Variants in UBR4 observed in about 807,000 individuals in gnomAD.
UBR4 encodes the protein ubiquitin protein ligase E3 component n-recognin 4, also known as E3 ubiquitin-protein ligase UBR4.
UBR4 carries 124 observed loss-of-function variants against 575.6 expected under a neutral mutation model. That is an observed-to-expected ratio of 0.22 (90% confidence interval 0.19 to 0.25). UBR4 has a LOEUF of 0.25. UBR4 is among the 10% of genes least tolerant of loss of function. The pLI, the probability that UBR4 is intolerant of heterozygous loss-of-function variation, is 1.00. For missense variants in UBR4, 4,818 were observed against 6,478.8 expected (o/e 0.74, Z 8.80); for synonymous variants, 2,455 against 2,473.7 (o/e 0.99, Z 0.22).
intron 9 of UBR4, 102 bp downstream of exon 9, chr1:19,193,331 G>T: frequency 6.7e-7 from 1 of 1,497,294 alleles, no homozygotes; most frequent in Non-Finnish European, 9.0e-7. Context: ...GTAGTGTGGA[G>T]AATACTCTAA....
chr1:19,166,584 T>C (rs2088449720), intron 29 of UBR4, among the ~76,000 whole-genome samples: 1 of 151,502 alleles, frequency 6.6e-6, no homozygotes, highest in Non-Finnish European at 1.5e-5. Context: ...AAAACACAAA[T>C]AACAATAAGC....
At chr1:19,150,873 A>G in intron 48 of UBR4, 80 bp from the exon 49 acceptor site, 3 of 1,388,456 alleles carry the variant, frequency 2.2e-6, no homozygotes, top group Non-Finnish European at 3.0e-6. Context: ...GAACAGTTGG[A>G]GCAAAGAAGT....
At chr1:19,150,496 C>T (rs1571157785) in intron 49 of UBR4, 81 bp downstream of exon 49, 1 of 1,464,882 alleles carries the variant, frequency 6.8e-7, no homozygotes, top group Non-Finnish European at 9.5e-7. Flanking sequence ...TTATTAGAAG[C>T]TGGCTCTCTC....
chr1:19,167,003 T>G lies in UBR4; in HGVS notation c.4109+19A>C, dbSNP rs768422250. On this transcript the variant is annotated intron_variant, in intron 29 of 105. Transcript: ENST00000375254. Reference sequence around the variant, plus strand: ...AGCAGTAGGTCATAGGAAACCTGACTGTTCTCCATCAGGCTCACCTGTTAG... The same window carrying G: ...AGCAGTAGGTCATAGGAAACCTGACGGTTCTCCATCAGGCTCACCTGTTAG... 6.2e-7 allele frequency: 1 copy of G among 1,613,914 alleles called. No homozygotes were observed. Among genetic ancestry groups the G allele is most frequent in the Non-Finnish European group, 8.5e-7 (1 of 1,179,772 alleles).
intron 90 of UBR4, 104 bp downstream of exon 90, chr1:19,099,493 C>G: frequency 9.5e-7 from 1 of 1,048,924 alleles, no homozygotes; most frequent in Non-Finnish European, 1.4e-6. Context: ...TAGAGAGCTG[C>G]TACAAGCCAG....
At chr1:19,178,313 G>T (rs145886897) in intron 18 of UBR4, among the ~76,000 whole-genome samples, 50 of 152,352 alleles carry the variant, frequency 3.3e-4, no homozygotes, top group African/African-American at 1.2e-3. Context: ...AGGAATGAAT[G>T]TAGCCAACTG....
chr1:19,111,076 C>T (rs2149292523), intron 78 of UBR4, among the ~76,000 whole-genome samples: 1 of 152,292 alleles, frequency 6.6e-6, no homozygotes, highest in South Asian at 2.1e-4. Flanking sequence ...GCAGCACCAC[C>T]TTATGGGGCC....
chr1:19,150,136 G>A lies in UBR4; in HGVS notation c.7430+441C>T, dbSNP rs151286211. On this transcript the variant is annotated intron_variant, in intron 49 of 105. Transcript: ENST00000375254. ...ACTCTAGACTCTGCTACAAGAGGCAGCAGACAGCCTCTCTTGCTGGCAATG... is the reference window on the plus strand; with the variant it reads ...ACTCTAGACTCTGCTACAAGAGGCAACAGACAGCCTCTCTTGCTGGCAATG... Among the ~76,000 whole-genome samples, 33 of 152,310 alleles carry A rather than the reference G, an allele frequency of 2.2e-4. No individual in the cohort carries two copies. In the East Asian group the frequency reaches 6.2e-3, roughly 28 times the overall value.
intron 104 of UBR4, among the ~76,000 whole-genome samples, chr1:19,077,207 G>C (rs1258308237): frequency 6.6e-6 from 1 of 152,142 alleles, no homozygotes; most frequent in African/African-American, 2.4e-5. Flanking sequence ...TTGTCAATGT[G>C]CTTCCATGAG....
intron 20 of UBR4, among the ~76,000 whole-genome samples, chr1:19,176,027 T>A (rs934182755): frequency 1.3e-5 from 2 of 152,162 alleles, no homozygotes; most frequent in South Asian, 4.1e-4. Flanking sequence ...GTTCAAGCGA[T>A]CTTCCCACTT....
At chr1:19,085,767 C>T (rs542534875) in intron 101 of UBR4, among the ~76,000 whole-genome samples, 6 of 152,284 alleles carry the variant, frequency 3.9e-5, no homozygotes, top group East Asian at 1.9e-4. Flanking sequence ...AAGCCACTTT[C>T]GTATTTAAAC....
intron 64 of UBR4, among the ~76,000 whole-genome samples, chr1:19,126,092 T>C (rs1350627327): frequency 6.6e-6 from 1 of 152,134 alleles, no homozygotes; most frequent in Admixed American, 6.5e-5. Context: ...AATAAGTACG[T>C]TAAAGGGCCT....
chr1:19,136,355 C>A (rs1473549419), intron 60 of UBR4, among the ~76,000 whole-genome samples: 1 of 152,136 alleles, frequency 6.6e-6, no homozygotes, highest in African/African-American at 2.4e-5. Context: ...AAAGTTAAAA[C>A]ACACAAAGGA....
rs1425473947 is a variant in UBR4 at position 19,117,194 on chromosome 1, C to A, written c.10823+27G>T. 4 of 1,606,372 alleles carry A rather than the reference C, an allele frequency of 2.5e-6. No individual in the cohort carries two copies. Among genetic ancestry groups the A allele is most frequent in the Non-Finnish European group, 2.6e-6 (3 of 1,174,768 alleles). On this transcript the variant is annotated intron_variant, in intron 73 of 105. Coordinates refer to ENST00000375254, the MANE Select transcript of UBR4 (RefSeq NM_020765.3). The surrounding 1 kb of genome is among the most constrained non-coding windows in gnomAD (Gnocchi z 4.0). The stretch of plus-strand genomic sequence containing the variant: ...GAGCTTCAGCCTTACAACCTGCTGC[C>A]CCTCCCGAGGCCTAAAAAGCCCGTA...
chr1:19,207,341 C>T (rs555485459), intron 1 of UBR4, among the ~76,000 whole-genome samples: 1 of 152,178 alleles, frequency 6.6e-6, no homozygotes, highest in Non-Finnish European at 1.5e-5. Context: ...ATAAATAAAA[C>T]CTTTGGGCTG....
Position 19,179,114 on chromosome 1 carries a change from C to T in UBR4, c.2291G>A (p.Trp764Ter). 6.2e-7 allele frequency: 1 copy of T among 1,613,952 alleles called. No homozygotes were observed. Among genetic ancestry groups the T allele is most frequent in the Non-Finnish European group, 8.5e-7 (1 of 1,179,976 alleles). Reference sequence around the variant, plus strand: ...ACCTTGAGCACTGGCTTTATGTTGCCAGATGAGCAGGAGGCGTGAAAGCAC... The same window carrying T: ...ACCTTGAGCACTGGCTTTATGTTGCTAGATGAGCAGGAGGCGTGAAAGCAC... ...LSVLSRLLLI[W>*]QHKASAQGDP... is the part of the protein sequence containing the mutation. Residue 764 changes from tryptophan (W) to a stop codon, truncating the protein, a stop_gained, in exon 18 of 106, where the codon TGG becomes TAG. Transcript: ENST00000375254. LOFTEE classifies it high-confidence loss of function.
chr1:19,136,717 A>C (rs1483778832), intron 60 of UBR4, among the ~76,000 whole-genome samples: 1 of 152,228 alleles, frequency 6.6e-6, no homozygotes. Flanking sequence ...CTGGATTTTA[A>C]ATGTTTAAAG....
chr1:19,156,267 G>A lies in UBR4; in HGVS notation c.6072+4C>T, dbSNP rs368229145. The A allele has an allele frequency of 9.9e-6, 16 of 1,613,902 alleles. 1 individual carries two copies. In the South Asian group the frequency reaches 1.5e-4, roughly 16 times the overall value. ...ACCATATCATCAAAGAACTGTAACT[G>A]TACCTTAACAAAGTCTGCGGTGACA... On this transcript the variant is annotated splice_donor_region_variant and intron_variant, in intron 42 of 105. Transcript: ENST00000375254.
intron 8 of UBR4, among the ~76,000 whole-genome samples, chr1:19,193,769 G>GCACA (rs149482852): frequency 6.6e-6 from 1 of 151,110 alleles, no homozygotes; most frequent in Non-Finnish European, 1.5e-5. Flanking sequence ...TTACACGCGC[G>GCACA]CACACACACA....
Sources: allele counts gnomAD v4.1 joint callset (sites outside exome capture counted in the v4.1 genomes callset), GRCh38; gene constraint gnomAD v4.1.1; non-coding constraint Gnocchi (gnomAD v3.1); transcripts MANE v1.5; gene names NCBI Gene and HGNC (gene_info 2026-07-23, HGNC 2026-07-21).